The following MYOF variants were observed in gnomAD, a reference collection of about 807,000 sequenced individuals.
MYOF encodes myoferlin, also known as fer-1-like 3, myoferlin.
In MYOF, 244 loss-of-function variants were observed where a neutral mutation model predicts 284.2. The observed-to-expected ratio is 0.86, with a 90% CI of 0.77 to 0.95. The LOEUF (loss-of-function observed/expected upper bound fraction) is 0.95, where lower values mean the gene tolerates loss of function less well. Ranked by LOEUF, MYOF falls within the 40% of genes least tolerant of loss-of-function variation. The pLI is 0.00. For missense variants in MYOF, 2,496 were observed against 2,560.6 expected, an observed-to-expected ratio of 0.97 and a Z score of 0.54; for synonymous variants, 904 against 919.7, an observed-to-expected ratio of 0.98 and a Z score of 0.31.
In MYOF at chr10:93,347,669, G is replaced by A. The variant is rs1234283577; in HGVS notation, c.4197C>T (p.Arg1399=). The A allele has an allele frequency of 6.2e-7, 1 of 1,614,028 alleles. No individual in the cohort carries two copies. Among genetic ancestry groups the A allele is most frequent in the East Asian group, 2.2e-5 (1 of 44,878 alleles). Residue 1399 remains arginine (R), a synonymous_variant, in exon 37 of 54, where the codon CGC becomes CGT. Transcript: ENST00000359263. The stretch of plus-strand genomic sequence containing the variant: ...TCCCTGCATAAGGGTCACAGCGAAA[G>A]CGGTCCAGGCGCTCGATGGTGCACT... The part of the protein sequence containing the change: ...VGQCTIERLD[R]FRCDPYAGKE...
intron 1 of MYOF, among the ~76,000 whole-genome samples, chr10:93,472,638 CAAAACA>C (rs533885842): frequency 0.047 from 7,186 of 151,800 alleles, 221 homozygotes; most frequent in Non-Finnish European, 0.07. Flanking sequence ...CACTCCATCT[CAAAACA>C]AAAACAAAAA....
At chr10:93,377,539 A>T in intron 21 of MYOF, 110 bp from the exon 22 acceptor site, 1 of 799,484 alleles carries the variant, frequency 1.3e-6, no homozygotes, top group Admixed American at 2.6e-5. Flanking sequence ...TATATTCAAA[A>T]AACAAATAAA....
At chr10:93,414,725 G>T (rs1237457084) in intron 5 of MYOF, among the ~76,000 whole-genome samples, 7 of 151,980 alleles carry the variant, frequency 4.6e-5, no homozygotes, top group African/African-American at 1.7e-4. Flanking sequence ...GTTTTTTGTG[G>T]TTTTGTGTTT....
intron 35 of MYOF, among the ~76,000 whole-genome samples, 171 bp from the exon 36 acceptor site, chr10:93,350,140 T>G (rs1472371730): frequency 6.6e-6 from 1 of 152,172 alleles, no homozygotes; most frequent in Non-Finnish European, 1.5e-5. Flanking sequence ...TTCTTTCTCC[T>G]GCCTGAGCCC....
intron 19 of MYOF, 122 bp from the exon 20 acceptor site, chr10:93,381,518 A>G (rs1300401932): frequency 2.0e-6 from 2 of 1,013,432 alleles, no homozygotes; most frequent in Admixed American, 2.4e-5. Flanking sequence ...ACAGGGGAGA[A>G]TGTTCTTGGA....
intron 49 of MYOF, among the ~76,000 whole-genome samples, chr10:93,317,879 T>C (rs913223419): frequency 2.0e-5 from 3 of 152,190 alleles, no homozygotes; most frequent in African/African-American, 7.2e-5. Context: ...GGAAGATTAC[T>C]GGGTTGTTTT....
chr10:93,314,666 T>A (rs1447933071), intron 50 of MYOF, among the ~76,000 whole-genome samples: 1 of 152,236 alleles, frequency 6.6e-6, no homozygotes, highest in Non-Finnish European at 1.5e-5. Context: ...TGACTGCTTT[T>A]GTCTCCCCTC....
intron 5 of MYOF, among the ~76,000 whole-genome samples, chr10:93,425,064 G>C (rs574739439): frequency 1.5e-3 from 218 of 146,046 alleles, no homozygotes; most frequent in African/African-American, 5.4e-3. Flanking sequence ...TCAGCCTCCC[G>C]AGTAGCTGGG....
chr10:93,448,344 C>T (rs1328811485), intron 3 of MYOF, among the ~76,000 whole-genome samples: 1 of 152,190 alleles, frequency 6.6e-6, no homozygotes, highest in South Asian at 2.1e-4. Flanking sequence ...ATGGGATCTC[C>T]TTTCCCCCCA....
intron 45 of MYOF, among the ~76,000 whole-genome samples, chr10:93,328,055 C>T (rs1479551636): frequency 1.3e-5 from 2 of 152,136 alleles, no homozygotes; most frequent in African/African-American, 4.8e-5. Flanking sequence ...CAGGTGTGAG[C>T]CACTGTGCCC....
intron 1 of MYOF, among the ~76,000 whole-genome samples, chr10:93,475,301 C>T (rs2057235061): frequency 6.6e-6 from 1 of 152,224 alleles, no homozygotes; most frequent in Non-Finnish European, 1.5e-5. Context: ...CAGCTGACCA[C>T]TGCCATATCA....
chr10:93,456,817 C>G, intron 2 of MYOF, 65 bp downstream of exon 2: 1 of 1,243,856 alleles, frequency 8.0e-7, no homozygotes, highest in Non-Finnish European at 1.2e-6. Flanking sequence ...AACCTCTCAC[C>G]CAAAGATAGG....
intron 3 of MYOF, among the ~76,000 whole-genome samples, chr10:93,445,884 C>T (rs1246451459): frequency 6.6e-6 from 1 of 152,162 alleles, no homozygotes; most frequent in Non-Finnish European, 1.5e-5. Flanking sequence ...GTGAGGGAAG[C>T]GGTCCCACAC....
intron 5 of MYOF, among the ~76,000 whole-genome samples, chr10:93,414,305 G>A (rs1848027578): frequency 6.6e-6 from 1 of 152,106 alleles, no homozygotes; most frequent in Non-Finnish European, 1.5e-5. Flanking sequence ...GGGAGGCTGA[G>A]GCGGGTGGAT....
Position 93,408,910 on chromosome 10 carries a change from G to A in MYOF, c.606C>T (p.Arg202=), listed in dbSNP as rs776333850. The change falls in exon 7 of 54, where the codon CGC becomes CGT. Residue 202 remains arginine (R), a synonymous_variant. Transcript: ENST00000359263. ...LSNKPQDFQI[R]VRVIEGRQLS... ...ACTGTCGGCCCTCAATCACTCGGACGCGGATCTGCAGCACAGAAGGGGGAT... is the reference window on the plus strand; with the variant it reads ...ACTGTCGGCCCTCAATCACTCGGACACGGATCTGCAGCACAGAAGGGGGAT... 13 of 1,614,046 alleles carry A rather than the reference G, an allele frequency of 8.1e-6. No individual in the cohort carries two copies. The highest frequency in any genetic ancestry group is 1.0e-5 in the Non-Finnish European group (12 of 1,180,046).
intron 5 of MYOF, among the ~76,000 whole-genome samples, chr10:93,413,057 T>C (rs911961558): frequency 2.0e-5 from 3 of 152,162 alleles, no homozygotes; most frequent in Non-Finnish European, 4.4e-5. Flanking sequence ...GCTGGTGATT[T>C]GTACTTCCTC....
chr10:93,391,784 A>G (rs1846696902), intron 17 of MYOF, among the ~76,000 whole-genome samples: 1 of 152,180 alleles, frequency 6.6e-6, no homozygotes, highest in Non-Finnish European at 1.5e-5. Flanking sequence ...ATTTCCTCTG[A>G]CCTAGCTACA....
chr10:93,381,110 A>T, intron 20 of MYOF, 109 bp downstream of exon 20: 1 of 1,217,318 alleles, frequency 8.2e-7, no homozygotes. Flanking sequence ...CCTTTCCACT[A>T]ACCATAGGCT....
intron 19 of MYOF, among the ~76,000 whole-genome samples, chr10:93,385,932 T>G (rs1321466578): frequency 1.3e-5 from 2 of 152,206 alleles, no homozygotes; most frequent in Non-Finnish European, 2.9e-5. Flanking sequence ...GAAAACTAAT[T>G]TGGTTTTGCA....
Sources: allele counts gnomAD v4.1 joint callset (sites outside exome capture counted in the v4.1 genomes callset), GRCh38; gene constraint gnomAD v4.1.1; transcripts MANE v1.5; gene names NCBI Gene and HGNC (gene_info 2026-07-23, HGNC 2026-07-21).